Variants in PLBD2 observed in about 807,000 individuals in gnomAD.
PLBD2 encodes the protein phospholipase B domain containing 2, also known as putative aminopeptidase PLBD2.
Under a neutral mutation model 68.3 loss-of-function variants are expected in PLBD2, and 51 were observed. That is an observed-to-expected ratio of 0.75 (90% CI 0.60 to 0.94). The LOEUF (loss-of-function observed/expected upper bound fraction) is 0.94. Among genes scored for constraint, PLBD2 ranks in the 40% least tolerant of loss-of-function variants. PLBD2 has a pLI of 0.00. For synonymous variants in PLBD2, 314 were observed against 339.3 expected (o/e 0.93, Z 0.82); for missense variants, 729 against 792.2 (o/e 0.92, Z 0.96).
At position 113,372,242 on chromosome 12, in the gene PLBD2, C is replaced by G. The variant is rs1490227270; in HGVS notation, c.385-407C>G. Among the ~76,000 whole-genome samples the G allele has an allele frequency of 6.6e-6, 1 of 152,038 alleles. No homozygotes were observed. The highest frequency in any genetic ancestry group is 2.4e-5 in the African/African-American group (1 of 41,416). On this transcript the variant is annotated intron_variant, in intron 2 of 11. Transcript: ENST00000280800. The surrounding 1 kb of genome is among the most constrained non-coding windows in gnomAD (Gnocchi z 4.2). ...AGGGCCGCATGAAGTCTGGGTGAAA[C>G]TGCCACGGCATTCTCTTGCCCAGTG...
chr12:113,385,538 G>T (rs569722662), intron 9 of PLBD2, among the ~76,000 whole-genome samples: 1 of 152,128 alleles, frequency 6.6e-6, no homozygotes, highest in Non-Finnish European at 1.5e-5. Flanking sequence ...CCCCTGCCAG[G>T]GTCTCTGACT....
chr12:113,361,327 GTTTTTTTTTTTTTGTTTT>G (rs1957292355), intron 1 of PLBD2, among the ~76,000 whole-genome samples: 1 of 127,884 alleles, frequency 7.8e-6, no homozygotes, highest in Admixed American at 7.9e-5. Context: ...TTTAAAAAAG[GTTTTTTTTTTTTTGTTTT>G]TTTTTTTTTT....
At chr12:113,375,034 G>A (rs973709019) in intron 5 of PLBD2, 27 bp downstream of exon 5, 1 of 1,608,554 alleles carries the variant, frequency 6.2e-7, no homozygotes, top group African/African-American at 1.3e-5. Flanking sequence ...GTGTCTGGGG[G>A]ATGAGCAGGT....
At chr12:113,361,327 G>GT (rs1365358257) in intron 1 of PLBD2, among the ~76,000 whole-genome samples, 1,528 of 126,800 alleles carry the variant, frequency 0.012, 2 homozygotes, top group African/African-American at 0.017. Context: ...TTTAAAAAAG[G>GT]TTTTTTTTTT....
In PLBD2 at chr12:113,385,302, C is replaced by G; in HGVS notation, c.1286+19C>G. 3 of 1,610,916 alleles carry G rather than the reference C, an allele frequency of 1.9e-6. No individual in the cohort carries two copies. The South Asian group carries it at 3.3e-5, about 18-fold the overall frequency. ...ACATACCGTGCGTGCCTTCTCACTC[C>G]GCTCCCCGTCACCCTCCAGGGCATC... On this transcript the variant is annotated intron_variant, in intron 9 of 11. Transcript: ENST00000280800.
In PLBD2 at chr12:113,388,771, G is replaced by T; in HGVS notation, c.*145G>T. 1 of 899,346 alleles carries T rather than the reference G, an allele frequency of 1.1e-6. No individual in the cohort carries two copies. The highest frequency in any genetic ancestry group is 1.6e-6 in the Non-Finnish European group (1 of 629,072). The allele number at this position is 899,346 out of a possible 1,614,324, so 55.7% of individuals were successfully genotyped here. ...GTCTGAGTCATCTCCTCCTAGAGTG[G>T]GTCACGAACCTGATGGGGCTCAGAA... is the stretch of plus-strand genomic sequence containing the variant. On this transcript the variant is annotated 3_prime_UTR_variant, in exon 12 of 12. Transcript: ENST00000280800.
chr12:113,388,815 C>A lies in PLBD2; in HGVS notation c.*189C>A. 1 of 550,490 alleles carries A rather than the reference C, an allele frequency of 1.8e-6. No individual in the cohort carries two copies. The highest frequency in any genetic ancestry group is 3.0e-6 in the Non-Finnish European group (1 of 334,726). 34.1% of individuals were successfully genotyped at this position (550,490 alleles called of 1,614,324 possible). ...CTCAGAACTGACCCCCTCTCTCCCC[C>A]GAGGTGGGTGGGCACCGTGGCGTCT... On this transcript the variant is annotated 3_prime_UTR_variant, in exon 12 of 12. Coordinates refer to ENST00000280800, the MANE Select transcript of PLBD2 (RefSeq NM_173542.4).
chr12:113,358,890 G>GGTAA lies in PLBD2; in HGVS notation c.290+2_290+5dup. Reference sequence around the variant, plus strand: ...CTCACCAACGCCATCCGCGAGACTGGGTAAGGGTTGGCTTATCCCCACGCG... The same window carrying GGTAA: ...CTCACCAACGCCATCCGCGAGACTGGGTAAGTAAGGGTTGGCTTATCCCCACGCG... On this transcript the variant is annotated stop_gained and frameshift_variant and splice_region_variant. Transcript: ENST00000280800. LOFTEE classifies it high-confidence loss of function. 1.3e-6 allele frequency: 2 copies of GGTAA among 1,519,348 alleles called. No homozygotes were observed. The highest frequency in any genetic ancestry group is 1.8e-6 in the Non-Finnish European group (2 of 1,135,844). 94.1% of individuals were successfully genotyped at this position (1,519,348 alleles called of 1,614,324 possible).
intron 1 of PLBD2, among the ~76,000 whole-genome samples, chr12:113,368,851 T>A (rs1039006197): frequency 2.6e-5 from 4 of 152,136 alleles, no homozygotes; most frequent in Admixed American, 2.6e-4. Context: ...CTGGTGTTAT[T>A]GTGGGTAAGG....
intron 1 of PLBD2, among the ~76,000 whole-genome samples, chr12:113,362,890 T>G (rs2136899099): frequency 6.6e-6 from 1 of 151,932 alleles, no homozygotes. Flanking sequence ...GTTCAAGTGA[T>G]CTTCCTGCCT....
chr12:113,382,593 G>A (rs1957501871), intron 6 of PLBD2, among the ~76,000 whole-genome samples: 1 of 151,832 alleles, frequency 6.6e-6, no homozygotes, highest in Non-Finnish European at 1.5e-5. Context: ...ATAGGCGCCT[G>A]CCACCATGCC....
chr12:113,364,708 C>T (rs531827487), intron 1 of PLBD2, among the ~76,000 whole-genome samples: 2 of 152,220 alleles, frequency 1.3e-5, no homozygotes, highest in African/African-American at 4.8e-5. Flanking sequence ...GTGATCCTCC[C>T]ACCTCAGCCT....
At chr12:113,376,544 A>G (rs561928352) in intron 5 of PLBD2, among the ~76,000 whole-genome samples, 9 of 152,326 alleles carry the variant, frequency 5.9e-5, no homozygotes, top group East Asian at 1.9e-4. Flanking sequence ...ACCATTTGCT[A>G]TGAGGAACTG....
intron 2 of PLBD2, 122 bp downstream of exon 2, chr12:113,369,331 A>G (rs1250015278): frequency 1.6e-5 from 11 of 689,284 alleles, no homozygotes; most frequent in Non-Finnish European, 2.4e-5. Context: ...CCCTTCATCT[A>G]TCTGGGGAGA....
intron 1 of PLBD2, among the ~76,000 whole-genome samples, chr12:113,368,138 T>C (rs1286987374): frequency 2.0e-5 from 3 of 151,860 alleles, no homozygotes; most frequent in Non-Finnish European, 2.9e-5. Flanking sequence ...GAACCTGCCT[T>C]CTAACCAGGC....
rs139435828 is a variant in PLBD2, at chr12:113,384,209, C to T, written c.1062C>T (p.Arg354=). Residue 354 remains arginine (R), a synonymous_variant, in exon 7 of 12, where the codon CGC becomes CGT. Coordinates refer to ENST00000280800, the MANE Select transcript of PLBD2 (RefSeq NM_173542.4). This position sits in a 1 kb window ranked among gnomAD's most constrained non-coding sequence, Gnocchi z 4.2. ...LEWVRNIVAN[R]LASDGATWAD... The stretch of plus-strand genomic sequence containing the variant: ...GGGTACGCAACATCGTGGCCAACCG[C>T]CTGGCCTCGGATGGGGCCACCTGGG... The T allele has an allele frequency of 3.7e-6, 6 of 1,613,946 alleles. No individual in the cohort carries two copies. The highest frequency in any genetic ancestry group is 4.2e-6 in the Non-Finnish European group (5 of 1,179,980).
intron 3 of PLBD2, 89 bp from the exon 4 acceptor site, chr12:113,374,385 C>T: frequency 1.1e-6 from 1 of 909,602 alleles, no homozygotes; most frequent in Non-Finnish European, 1.7e-6. Context: ...CTGTCTGAAC[C>T]CCCAGGCCAG....
At chr12:113,381,771 C>T (rs138752509) in intron 6 of PLBD2, among the ~76,000 whole-genome samples, 243 of 152,252 alleles carry the variant, frequency 1.6e-3, no homozygotes, top group Admixed American at 2.6e-3. Flanking sequence ...CTTGGGCAGT[C>T]CAGGAGGCTG....
chr12:113,366,972 A>G (rs1957347572), intron 1 of PLBD2, among the ~76,000 whole-genome samples: 1 of 152,082 alleles, frequency 6.6e-6, no homozygotes, highest in South Asian at 2.1e-4. Flanking sequence ...AGAGTGTACC[A>G]CTACACCCAG....
Sources: gnomAD v4.1 joint callset for allele counts (sites outside exome capture counted in the v4.1 genomes callset) on GRCh38, gnomAD v4.1.1 for gene constraint, Gnocchi (gnomAD v3.1) non-coding constraint, MANE v1.5 for transcripts, NCBI Gene and HGNC (gene_info 2026-07-23, HGNC 2026-07-21) for gene names.